Variants in TINAG observed in about 807,000 individuals in gnomAD.
TINAG encodes the protein tubulointerstitial nephritis antigen.
Under a neutral mutation model 72.7 loss-of-function variants are expected in TINAG, and 83 were observed. The observed-to-expected ratio is 1.14, with a 90% CI of 0.96 to 1.37. The LOEUF (loss-of-function observed/expected upper bound fraction) is 1.37, where lower values mean the gene tolerates loss of function less well. Ranked by LOEUF, TINAG falls within the 40% of genes most tolerant of loss-of-function variation. TINAG has a pLI of 0.00. For synonymous variants in TINAG, 234 were observed against 189.9 expected (o/e 1.23, Z -1.91); for missense variants, 685 against 576.6 (o/e 1.19, Z -1.93).
At chr6:54,361,437 T>C (rs764874005) in intron 9 of TINAG, among the ~76,000 whole-genome samples, 6 of 151,578 alleles carry the variant, frequency 4.0e-5, no homozygotes, top group East Asian at 2.0e-4. Flanking sequence ...TATCTTCACA[T>C]GGCGATAGGA....
At chr6:54,366,161 A>G (rs1271021404) in intron 9 of TINAG, among the ~76,000 whole-genome samples, 2 of 151,678 alleles carry the variant, frequency 1.3e-5, no homozygotes, top group African/African-American at 4.8e-5. Context: ...GCCAGAAATA[A>G]GAGACTGAGA....
chr6:54,327,755 C>T (rs1409203345), intron 4 of TINAG, among the ~76,000 whole-genome samples: 1 of 152,110 alleles, frequency 6.6e-6, no homozygotes, highest in Non-Finnish European at 1.5e-5. Context: ...CTGGGACACT[C>T]GAGCGTGGTG....
intron 9 of TINAG, among the ~76,000 whole-genome samples, chr6:54,358,061 A>G (rs548094699): frequency 2.2e-4 from 34 of 151,892 alleles, no homozygotes; most frequent in Admixed American, 3.9e-4. Context: ...ATGTTTCAGC[A>G]ACATGTACCC....
chr6:54,341,815 A>T (rs1785002207), intron 4 of TINAG, among the ~76,000 whole-genome samples: 1 of 152,098 alleles, frequency 6.6e-6, no homozygotes, highest in Admixed American at 6.5e-5. Context: ...AAAGCAGGGA[A>T]ACTATAGAAA....
At position 54,354,506 on chromosome 6, in the gene TINAG, A is replaced by G; in HGVS notation, c.1127-7A>G. 6.3e-7 allele frequency: 1 copy of G among 1,595,572 alleles called. No homozygotes were observed. Among genetic ancestry groups the G allele is most frequent in the Non-Finnish European group, 8.5e-7 (1 of 1,173,402 alleles). ...TGTGCCATTTGTTCTGTTGGATTTT[A>G]TTTTAGCCATAATGCAAGTCCGTGA... On this transcript the variant is annotated splice_region_variant and splice_polypyrimidine_tract_variant and intron_variant, in intron 8 of 10. Transcript: ENST00000259782.
intron 1 of TINAG, among the ~76,000 whole-genome samples, chr6:54,319,329 A>G (rs1405356965): frequency 6.6e-6 from 1 of 152,180 alleles, no homozygotes; most frequent in Non-Finnish European, 1.5e-5. Context: ...CTGTGGATTC[A>G]GTTATGAAAG....
At chr6:54,334,821 A>G (rs1784822342) in intron 4 of TINAG, among the ~76,000 whole-genome samples, 1 of 152,196 alleles carries the variant, frequency 6.6e-6, no homozygotes, top group Non-Finnish European at 1.5e-5. Flanking sequence ...AAGACTTTTA[A>G]TCTCTCAACC....
Position 54,308,480 on chromosome 6 carries a change from C to A in TINAG, c.-71C>A. On this transcript the variant is annotated 5_prime_UTR_variant, in exon 1 of 11. Transcript: ENST00000259782. The stretch of plus-strand genomic sequence containing the variant: ...GTCTTAATGACTAGAATTCAGGTTC[C>A]AAGGAGAAGCCCACAAGGCTAAGGG... 7.4e-7 allele frequency: 1 copy of A among 1,351,034 alleles called. No homozygotes were observed. Among genetic ancestry groups the A allele is most frequent in the East Asian group, 2.3e-5 (1 of 42,844 alleles). 83.7% of individuals were successfully genotyped at this position (1,351,034 alleles called of 1,614,324 possible).
chr6:54,316,297 G>A (rs563909277), intron 1 of TINAG, among the ~76,000 whole-genome samples: 69 of 152,100 alleles, frequency 4.5e-4, no homozygotes, highest in African/African-American at 1.5e-3. Flanking sequence ...TACAAGGGTG[G>A]TATGTGACTT....
intron 1 of TINAG, among the ~76,000 whole-genome samples, chr6:54,311,631 C>T (rs190518718): frequency 6.6e-6 from 1 of 152,094 alleles, no homozygotes; most frequent in African/African-American, 2.4e-5. Flanking sequence ...TGGGTTTGAG[C>T]TTCTCTTCAT....
intron 4 of TINAG, chr6:54,327,299 G>C: frequency 9.6e-7 from 1 of 1,039,680 alleles, no homozygotes; most frequent in Non-Finnish European, 1.3e-6. Context: ...AGCCCATGGA[G>C]GGTGAGCAGA....
intron 9 of TINAG, among the ~76,000 whole-genome samples, chr6:54,359,969 G>A (rs77519769): frequency 0.044 from 6,679 of 151,766 alleles, 198 homozygotes; most frequent in Non-Finnish European, 0.064. Context: ...TGTTTGCTGC[G>A]CTTTTTGTAG....
At position 54,327,219 on chromosome 6, in the gene TINAG, G is replaced by T. The variant is rs1562152730; in HGVS notation, c.624+303G>T. 12 of 1,509,244 alleles carry T rather than the reference G, an allele frequency of 8.0e-6. No individual in the cohort carries two copies. In the East Asian group the frequency reaches 3.1e-4, roughly 39 times the overall value. 93.5% of individuals were successfully genotyped at this position (1,509,244 alleles called of 1,614,324 possible). The stretch of plus-strand genomic sequence containing the variant: ...GCTCCCAGCGAGACCAACGTAGAAG[G>T]TGGATGATTTCTGCATTACCAACTG... On this transcript the variant is annotated intron_variant, in intron 4 of 10. Coordinates refer to ENST00000259782, the MANE Select transcript of TINAG (RefSeq NM_014464.4).
At chr6:54,320,194 G>A (rs1217873922) in intron 1 of TINAG, among the ~76,000 whole-genome samples, 2 of 151,978 alleles carry the variant, frequency 1.3e-5, no homozygotes, top group East Asian at 1.9e-4. Context: ...TTAATTATAA[G>A]CACTTATGAG....
In TINAG at chr6:54,380,552, G is replaced by A. The variant is rs779737130; in HGVS notation, c.1277G>A (p.Gly426Glu). Residue 426 changes from glycine (G) to glutamate (E), a missense_variant, in exon 10 of 11, where the codon GGG (glycine) becomes GAG (glutamate). By Grantham distance (98) the Gly-to-Glu change is moderately conservative. Coordinates refer to ENST00000259782, the MANE Select transcript of TINAG (RefSeq NM_014464.4). ...TGGGGCACACTGAGAGGAGCACAAG[G>A]GCAGAAAGAAAAATTTTGGGTATGT... ...TGWGTLRGAQ[G>E]QKEKFWIAAN... The A allele has an allele frequency of 5.0e-6, 8 of 1,609,996 alleles. No individual in the cohort carries two copies. The highest frequency in any genetic ancestry group is 5.9e-6 in the Non-Finnish European group (7 of 1,177,670).
intron 4 of TINAG, among the ~76,000 whole-genome samples, chr6:54,334,355 T>A (rs1391943258): frequency 6.6e-6 from 1 of 152,194 alleles, no homozygotes. Context: ...AATGCACAGG[T>A]TTCTCTTCAA....
At chr6:54,381,170 C>A (rs1469143857) in intron 10 of TINAG, among the ~76,000 whole-genome samples, 1 of 143,738 alleles carries the variant, frequency 7.0e-6, no homozygotes, top group Non-Finnish European at 1.5e-5. Context: ...TAGGTTAAGG[C>A]TTTTTTTTTT....
At chr6:54,345,418 C>T (rs921211854) in intron 5 of TINAG, among the ~76,000 whole-genome samples, 5 of 152,136 alleles carry the variant, frequency 3.3e-5, no homozygotes, top group Admixed American at 6.6e-5. Context: ...GTATTATAAA[C>T]GAGGCCCAAA....
At chr6:54,313,277 C>T (rs1784299615) in intron 1 of TINAG, among the ~76,000 whole-genome samples, 1 of 151,940 alleles carries the variant, frequency 6.6e-6, no homozygotes, top group Non-Finnish European at 1.5e-5. Context: ...TCATAAGGAG[C>T]CCTGTGCCCA....
Sources: allele counts gnomAD v4.1 joint callset (sites outside exome capture counted in the v4.1 genomes callset), GRCh38; gene constraint gnomAD v4.1.1; transcripts MANE v1.5; gene names NCBI Gene and HGNC (gene_info 2026-07-23, HGNC 2026-07-21).